TTN: variants seen among roughly 807,000 people sequenced by gnomAD.
The protein encoded by TTN is titin, also known as connectin.
In TTN, 1,525 loss-of-function variants were observed where a neutral mutation model predicts 3,223.0. The observed-to-expected ratio is 0.47, with a 90% CI of 0.45 to 0.49. The LOEUF is 0.49. Among genes scored for constraint, TTN ranks in the 20% least tolerant of loss-of-function variants. The probability of loss-of-function intolerance (pLI) is 0.00; values close to 1 mark genes in which losing one functional copy is unlikely to be tolerated. For missense variants in TTN, 40,786 were observed against 43,424.0 expected, an observed-to-expected ratio of 0.94 and a Z score of 5.40; for synonymous variants, 14,094 against 15,161.0, an observed-to-expected ratio of 0.93 and a Z score of 5.17.
rs2049624622 is a variant in TTN at position 178,588,843 on chromosome 2, T to A, written c.62882A>T (p.Tyr20961Phe). The A allele has an allele frequency of 6.2e-7, 1 of 1,613,234 alleles. No individual in the cohort carries two copies. Among genetic ancestry groups the A allele is most frequent in the Admixed American group, 1.7e-5 (1 of 59,944 alleles). The change falls in exon 304 of 363, where the codon TAT becomes TTT. Residue 20961 changes from tyrosine (Y) to phenylalanine (F), a missense_variant. By Grantham distance (22) the Tyr-to-Phe change is conservative. Transcript: ENST00000589042. ...ESKPVIAKTK[Y>F]DKPGRPDPPE... ...GGGATCAGGGCGACCAGGTTTATCA[T>A]ACTTGGTTTTGGCTATGACTGGTTT...
rs776673912 is a variant in TTN at position 178,571,793 on chromosome 2, C to T, written c.74339G>A (p.Arg24780Gln). 14 of 1,613,342 alleles carry T rather than the reference C, an allele frequency of 8.7e-6. No individual in the cohort carries two copies. Among genetic ancestry groups the T allele is most frequent in the South Asian group, 5.5e-5 (5 of 91,028 alleles). The change falls in exon 326 of 363, where the codon CGA (arginine) becomes CAA (glutamine). Residue 24780 changes from arginine (R) to glutamine (Q), a missense_variant. Coordinates refer to ENST00000589042, the MANE Select transcript of TTN (RefSeq NM_001267550.2). ...NSLLTIKDAC[R>Q]EDVGHYVVKL... ...AACCACATAATGGCCAACATCTTCT[C>T]GGCAGGCGTCCTTTATTGTCAGTAG...
intron 134 of TTN, 67 bp from the exon 135 acceptor site, chr2:178,682,970 A>T: frequency 7.3e-7 from 1 of 1,376,452 alleles, no homozygotes; most frequent in Non-Finnish European, 9.9e-7. Flanking sequence ...TGATAGTAAC[A>T]ATGTGCTTTG....
chr2:178,733,211 T>C lies in TTN; in HGVS notation c.16054+28A>G, dbSNP rs199750136. 376 of 1,564,486 alleles carry C rather than the reference T, an allele frequency of 2.4e-4. 2 individuals carry two copies. Among genetic ancestry groups the C allele is most frequent in the South Asian group, 2.1e-3 (170 of 81,266 alleles). On this transcript the variant is annotated intron_variant, in intron 54 of 362. Transcript: ENST00000589042. ...CCATTTGTTGGGTTTCAAATGCATA[T>C]GTAGCATCATTTTCTAAAAATACTA... is the stretch of plus-strand genomic sequence containing the variant.
chr2:178,613,017 T>A lies in TTN; in HGVS notation c.49704A>T (p.Val16568=). Reference sequence around the variant, plus strand: ...GTTCTGGTTTTGTCCAATTCAACCTTACTGATGTTTTGCCTACATCTTTTA... The same window carrying A: ...GTTCTGGTTTTGTCCAATTCAACCTAACTGATGTTTTGCCTACATCTTTTA... ...PTVKDVGKTS[V]RLNWTKPEHD... is the part of the protein sequence containing the mutation. The change falls in exon 265 of 363, where the codon GTA becomes GTT. Residue 16568 remains valine, a synonymous_variant. Transcript: ENST00000589042. 2 of 1,612,834 alleles carry A rather than the reference T, an allele frequency of 1.2e-6. No individual in the cohort carries two copies. Among genetic ancestry groups the A allele is most frequent in the Non-Finnish European group, 1.7e-6 (2 of 1,179,266 alleles).
Position 178,653,030 on chromosome 2 carries a change from G to A in TTN, c.38875+11C>T. ...TTCAGTCTTCTGAAGCCTAAAGCCA[G>A]TGACAAATACCTTTAACAGGTGGGA... On this transcript the variant is annotated intron_variant, in intron 199 of 362. Coordinates refer to ENST00000589042, the MANE Select transcript of TTN (RefSeq NM_001267550.2). 6.2e-7 allele frequency: 1 copy of A among 1,611,282 alleles called. No homozygotes were observed. The highest frequency in any genetic ancestry group is 8.5e-7 in the Non-Finnish European group (1 of 1,178,762).
At chr2:178,615,174 T>C (rs1337924161) in intron 259 of TTN, 133 bp downstream of exon 259, 2 of 1,184,218 alleles carry the variant, frequency 1.7e-6, no homozygotes, top group African/African-American at 3.1e-5. Context: ...AGCAGCACCT[T>C]TAAAAATCAG....
rs727505019 is a variant in TTN at position 178,629,440 on chromosome 2, C to T, written c.44285G>A (p.Arg14762Gln). Residue 14762 changes from arginine (R) to glutamine (Q), a missense_variant, in exon 240 of 363, where the codon CGA becomes CAA. Transcript: ENST00000589042. Reference protein sequence around the residue: ...KSSAHLRVKPRVIGLLRPLKD... With the variant: ...KSSAHLRVKPQVIGLLRPLKD... ...TAAAGGCCTCAGAAGACCAATTACTCGTGCTTTTCGAGAGGGAAGAAACAG... is the reference window on the plus strand; with the variant it reads ...TAAAGGCCTCAGAAGACCAATTACTTGTGCTTTTCGAGAGGGAAGAAACAG... 27 of 1,612,618 alleles carry T rather than the reference C, an allele frequency of 1.7e-5. No homozygotes were observed. The highest frequency in any genetic ancestry group is 3.3e-5 in the South Asian group (3 of 90,982).
chr2:178,694,792 T>C (rs1230436981), intron 116 of TTN, 37 bp downstream of exon 116: 1 of 1,514,252 alleles, frequency 6.6e-7, no homozygotes, highest in Non-Finnish European at 9.0e-7. Flanking sequence ...AACATATTAC[T>C]TGTGTACATG....
In TTN at chr2:178,572,399, C is replaced by T; in HGVS notation, c.73733G>A (p.Trp24578Ter). 1 of 1,613,040 alleles carries T rather than the reference C, an allele frequency of 6.2e-7. No individual in the cohort carries two copies. Among genetic ancestry groups the T allele is most frequent in the Non-Finnish European group, 8.5e-7 (1 of 1,179,238 alleles). Residue 24578 changes from tryptophan (W) to a stop codon, truncating the protein, a stop_gained, in exon 326 of 363, where the codon TGG (tryptophan) becomes TAG (stop). Transcript: ENST00000589042. LOFTEE classifies it high-confidence loss of function. ...GCCTTCTTGAAGCTGGTCTACCTTC[C>T]AGGAAGTCTTGTGGCAGTTTGTTGC... ...TVATNCHKTS[W>*]KVDQLQEGCS...
At chr2:178,610,651 A>G (rs572165227) in intron 270 of TTN, among the ~76,000 whole-genome samples, 13 of 151,954 alleles carry the variant, frequency 8.6e-5, no homozygotes, top group Non-Finnish European at 1.3e-4. Context: ...AATGCAGAAA[A>G]TGTTACTATC....
Position 178,535,372 on chromosome 2 carries a change from G to A in TTN, c.101243C>T (p.Thr33748Ile), listed in dbSNP as rs750315507. ...RVGQARETRY[T>I]VINLFGKTSY... ...TGTTTTTCCAAATAAGTTGATCACGGTATAACGTGTTTCTCGGGCCTGTCC... is the reference window on the plus strand; with the variant it reads ...TGTTTTTCCAAATAAGTTGATCACGATATAACGTGTTTCTCGGGCCTGTCC... The change falls in exon 358 of 363, where the codon ACC becomes ATC. Residue 33748 changes from threonine (T) to isoleucine (I), a missense_variant. Physicochemically the swap from Thr to Ile is moderately conservative, Grantham distance 89. Transcript: ENST00000589042. 1.2e-6 allele frequency: 2 copies of A among 1,613,866 alleles called. No individual in the cohort carries two copies. The highest frequency in any genetic ancestry group is 1.7e-6 in the Non-Finnish European group (2 of 1,179,842).
chr2:178,634,395 T>C lies in TTN; in HGVS notation c.42386A>G (p.Lys14129Arg). 6.2e-7 allele frequency: 1 copy of C among 1,610,040 alleles called. No homozygotes were observed. Among genetic ancestry groups the C allele is most frequent in the East Asian group, 2.2e-5 (1 of 44,666 alleles). Residue 14129 changes from lysine to arginine, a missense_variant, in exon 230 of 363, where the codon AAG (lysine) becomes AGG (arginine). Transcript: ENST00000589042. This position sits in a 1 kb window ranked among gnomAD's most constrained non-coding sequence, Gnocchi z 4.6. ...EGVYTAEVEG[K>R]KTSARLFVTG... The stretch of plus-strand genomic sequence containing the variant: ...GACAAACAACCGAGCTGAGGTCTTC[T>C]TGCCCTCCACCTCAGCAGTATAGAC...
intron 215 of TTN, 127 bp from the exon 216 acceptor site, chr2:178,646,686 T>C: frequency 1.7e-6 from 1 of 580,994 alleles, no homozygotes; most frequent in South Asian, 2.8e-5. Context: ...TACAAATTCA[T>C]GTATAGAAAA....
In TTN at chr2:178,633,334, G is replaced by T. The variant is rs759038572; in HGVS notation, c.42947-8C>A. 6.2e-7 allele frequency: 1 copy of T among 1,612,894 alleles called. No individual in the cohort carries two copies. The highest frequency in any genetic ancestry group is 1.1e-5 in the South Asian group (1 of 90,846). ...CCACTTTTATTAGTCGAGCTGAAAT[G>T]ATACAGTTTTGTTAGCATGACTGAA... On this transcript the variant is annotated splice_region_variant and splice_polypyrimidine_tract_variant and intron_variant, in intron 232 of 362. Coordinates refer to ENST00000589042, the MANE Select transcript of TTN (RefSeq NM_001267550.2).
At position 178,531,425 on chromosome 2, in the gene TTN, C is replaced by T; in HGVS notation, c.105190G>A (p.Val35064Ile). ...PELTRTEAYA[V>I]SSFKKTSEME... Reference sequence around the variant, plus strand: ...TCAGATGTTTTCTTAAATGATGAAACAGCATACGCCTCTGTTCTTGTCAGC... The same window carrying T: ...TCAGATGTTTTCTTAAATGATGAAATAGCATACGCCTCTGTTCTTGTCAGC... Residue 35064 changes from valine to isoleucine, a missense_variant, in exon 358 of 363, where the codon GTT becomes ATT. Transcript: ENST00000589042. The T allele has an allele frequency of 6.2e-7, 1 of 1,613,930 alleles. No individual in the cohort carries two copies.
chr2:178,774,995 G>A lies in TTN; in HGVS notation c.6716C>T (p.Ser2239Phe), dbSNP rs1486541995. 6 of 1,613,876 alleles carry A rather than the reference G, an allele frequency of 3.7e-6. No homozygotes were observed. Among genetic ancestry groups the A allele is most frequent in the Non-Finnish European group, 5.1e-6 (6 of 1,179,946 alleles). ...HFLSILTIDT[S>F]DAEDYSCVLV... ...TACACAGCTGTAATCTTCAGCATCA[G>A]ACGTATCAATGGTCAGTATGGAGAG... Residue 2239 changes from serine (S) to phenylalanine (F), a missense_variant, in exon 29 of 363, where the codon TCT becomes TTT. Ser to Phe is a radical substitution (Grantham distance 155). Coordinates refer to ENST00000589042, the MANE Select transcript of TTN (RefSeq NM_001267550.2).
In TTN at chr2:178,770,502, G is replaced by C. The variant is rs2091305777; in HGVS notation, c.8290C>G (p.Leu2764Val). 3.7e-6 allele frequency: 6 copies of C among 1,614,136 alleles called. No homozygotes were observed. Among genetic ancestry groups the C allele is most frequent in the Non-Finnish European group, 5.1e-6 (6 of 1,180,010 alleles). ...AISVKGTIYS[L>V]RIKNCAIVDE... ...ACGATGGCACAGTTTTTAATCCTCAGAGAGTAAATTGTTCCTTTGACAGAG... is the reference window on the plus strand; with the variant it reads ...ACGATGGCACAGTTTTTAATCCTCACAGAGTAAATTGTTCCTTTGACAGAG... The change falls in exon 35 of 363, where the codon CTG becomes GTG. Residue 2764 changes from leucine (L) to valine (V), a missense_variant. Coordinates refer to ENST00000589042, the MANE Select transcript of TTN (RefSeq NM_001267550.2).
Position 178,557,846 on chromosome 2 carries a change from CTT to C in TTN, c.87506_87507del (p.Gln29169ArgfsTer18), listed in dbSNP as rs1301382088. 6.2e-7 allele frequency: 1 copy of C among 1,613,814 alleles called. No individual in the cohort carries two copies. Among genetic ancestry groups the C allele is most frequent in the East Asian group, 2.2e-5 (1 of 44,892 alleles). ...CTTTTGAGTAGAATGTAGTTGGTAA[CTT>C]GACTTCCACCGTCATACTTAGGTGG... The part of the protein sequence containing the change: ...WEPPKYDGGS[Q>X]VTNYILLKRE... On this transcript the variant is annotated frameshift_variant, in exon 328 of 363. Transcript: ENST00000589042. LOFTEE classifies it high-confidence loss of function.
chr2:178,595,959 T>C lies in TTN; in HGVS notation c.57545-150A>G, dbSNP rs140054134. On this transcript the variant is annotated intron_variant, in intron 294 of 362. Transcript: ENST00000589042. ...TGAGTTAGTTTTTCCTTCTGCTATC[T>C]AGTCAATACAAAAACAGTCAACCAC... 312 of 650,984 alleles carry C rather than the reference T, an allele frequency of 4.8e-4. 1 individual carries two copies. In the African/African-American group the frequency reaches 5.2e-3, roughly 11 times the overall value. 40.3% of individuals were successfully genotyped at this position (650,984 alleles called of 1,614,324 possible).
Sources: allele counts gnomAD v4.1 joint callset (sites outside exome capture counted in the v4.1 genomes callset), GRCh38; gene constraint gnomAD v4.1.1; non-coding constraint Gnocchi (gnomAD v3.1); transcripts MANE v1.5; gene names NCBI Gene and HGNC (gene_info 2026-07-23, HGNC 2026-07-21).